The following UVSSA variants were observed in gnomAD, a reference collection of about 807,000 sequenced individuals.
The protein encoded by UVSSA is UV stimulated scaffold protein A, also known as UV-stimulated scaffold protein A.
In UVSSA, 72 loss-of-function variants were observed where a neutral mutation model predicts 73.9. The ratio of observed to expected loss-of-function variants is 0.97; its 90% CI spans 0.81 to 1.19. UVSSA has a LOEUF of 1.19. Ranked by LOEUF, UVSSA falls within the 50% of genes most tolerant of loss-of-function variation. The pLI is 0.00. For synonymous variants in UVSSA, 454 were observed against 391.3 expected (o/e 1.16, Z -1.89); for missense variants, 1,150 against 965.0 (o/e 1.19, Z -2.54).
chr4:1,353,440 G>A, intron 5 of UVSSA, 27 bp downstream of exon 5: 1 of 1,454,304 alleles, frequency 6.9e-7, no homozygotes, highest in Non-Finnish European at 9.1e-7. Context: ...GGTCTCTGTG[G>A]CGCCACCCTG....
At chr4:1,382,325 C>G (rs549918792) in intron 12 of UVSSA, among the ~76,000 whole-genome samples, 83 of 152,344 alleles carry the variant, frequency 5.4e-4, no homozygotes, top group African/African-American at 1.9e-3. Context: ...AGGCCGCGGG[C>G]TGCGGCCAGC....
At chr4:1,354,691 C>T (rs377390130) in intron 5 of UVSSA, 44 bp from the exon 6 acceptor site, 50 of 1,567,952 alleles carry the variant, frequency 3.2e-5, no homozygotes, top group Middle Eastern at 3.4e-4. Context: ...CTGTGGGAGA[C>T]GCCAGTCGGC....
intron 12 of UVSSA, among the ~76,000 whole-genome samples, 158 bp downstream of exon 12, chr4:1,381,146 G>T (rs528657544): frequency 6.6e-6 from 1 of 152,304 alleles, no homozygotes; most frequent in East Asian, 1.9e-4. Flanking sequence ...ATCAGGAGGG[G>T]ATGCTGCCCT....
chr4:1,354,344 G>A (rs1403864247), intron 5 of UVSSA, among the ~76,000 whole-genome samples: 2 of 152,078 alleles, frequency 1.3e-5, no homozygotes, highest in South Asian at 2.1e-4. Context: ...CCGGGGGGGT[G>A]GGGGCTGGTG....
chr4:1,372,506 C>T (rs940017927), intron 8 of UVSSA, among the ~76,000 whole-genome samples: 24 of 152,152 alleles, frequency 1.6e-4, no homozygotes, highest in African/African-American at 9.7e-5. Flanking sequence ...TGTACTATTT[C>T]CTGCATAAAA....
intron 12 of UVSSA, among the ~76,000 whole-genome samples, chr4:1,381,276 G>T (rs1719467078): frequency 6.6e-6 from 1 of 152,242 alleles, no homozygotes; most frequent in Non-Finnish European, 1.5e-5. Context: ...CATCTGTGTG[G>T]CTGGGTCCTG....
chr4:1,395,787 G>A, exon 14 of UVSSA: 15 of 1,614,202 alleles, frequency 9.3e-6, no homozygotes, highest in Non-Finnish European at 1.3e-5. Flanking sequence ...TACTCATGGT[G>A]GCTTTTTAAT....
intron 7 of UVSSA, among the ~76,000 whole-genome samples, chr4:1,364,996 C>T (rs1253846649): frequency 1.3e-5 from 2 of 152,186 alleles, no homozygotes; most frequent in African/African-American, 4.8e-5. Context: ...ACACCCTGTC[C>T]TGGGCCGTGG....
Position 1,355,114 on chromosome 4 carries a change from C to T in UVSSA, c.1048-3C>T, listed in dbSNP as rs201711142. 1.9e-6 allele frequency: 3 copies of T among 1,613,432 alleles called. No homozygotes were observed. The East Asian group carries it at 6.7e-5, about 36-fold the overall frequency. ...CTGAGCTGTTCGCACCCCCGTTTCG[C>T]AGCGCTTCACCCGCGTCGGGACCCA... On this transcript the variant is annotated splice_region_variant and splice_polypyrimidine_tract_variant and intron_variant, in intron 6 of 13. Coordinates refer to ENST00000389851, the MANE Select transcript of UVSSA (RefSeq NM_020894.4).
chr4:1,380,757 A>G (rs977752481), intron 11 of UVSSA, 123 bp from the exon 12 acceptor site: 16 of 1,569,198 alleles, frequency 1.0e-5, no homozygotes, highest in Non-Finnish European at 1.4e-5. Flanking sequence ...GGTTGTGTAC[A>G]CTTTGGCTCT....
At chr4:1,363,146 G>A (rs1475330376) in intron 7 of UVSSA, among the ~76,000 whole-genome samples, 2 of 152,098 alleles carry the variant, frequency 1.3e-5, no homozygotes, top group Non-Finnish European at 1.5e-5. Context: ...GCAAGCTGAA[G>A]TATGGAAACG....
intron 7 of UVSSA, chr4:1,357,973 C>CT (rs1560442718): frequency 6.6e-6 from 1 of 152,528 alleles, no homozygotes; most frequent in African/African-American, 2.4e-5. Flanking sequence ...CCCGGGGACC[C>CT]CGCCGACACT....
Position 1,353,059 on chromosome 4 carries a change from A to T in UVSSA, c.580A>T (p.Thr194Ser). The T allele has an allele frequency of 6.2e-7, 1 of 1,612,246 alleles. No homozygotes were observed. The highest frequency in any genetic ancestry group is 8.5e-7 in the Non-Finnish European group (1 of 1,179,614). Reference sequence around the variant, plus strand: ...GTCTGGAGAAATTGAATCCTGCTTGACGGAGGTAGAGAGCTGCTTTAGGCT... The same window carrying T: ...GTCTGGAGAAATTGAATCCTGCTTGTCGGAGGTAGAGAGCTGCTTTAGGCT... ...EMSGEIESCL[T>S]EVESCFRLLV... The change falls in exon 5 of 14, where the codon ACG becomes TCG. Residue 194 changes from threonine (T) to serine (S), a missense_variant. Transcript: ENST00000389851.
At chr4:1,372,315 A>G (rs575006859) in intron 8 of UVSSA, among the ~76,000 whole-genome samples, 3 of 152,174 alleles carry the variant, frequency 2.0e-5, no homozygotes, top group African/African-American at 7.2e-5. Flanking sequence ...CAAAAGACAC[A>G]TCTGGCGGCC....
chr4:1,381,748 C>T (rs372383150), intron 12 of UVSSA, among the ~76,000 whole-genome samples: 2 of 146,320 alleles, frequency 1.4e-5, no homozygotes, highest in African/African-American at 5.2e-5. Context: ...AGTGCAGTGG[C>T]GCAGTCATGG....
intron 10 of UVSSA, among the ~76,000 whole-genome samples, chr4:1,376,458 C>T (rs1050214698): frequency 6.6e-6 from 1 of 152,198 alleles, no homozygotes; most frequent in East Asian, 1.9e-4. Context: ...GAAACCACTC[C>T]CCTAAAGGCG....
At chr4:1,344,678 T>C (rs77395201), upstream of UVSSA, among the ~76,000 whole-genome samples, 440 of 152,334 alleles carry the variant, frequency 2.9e-3, 13 homozygotes, top group East Asian at 0.063. Flanking sequence ...AAGATCCCTA[T>C]TTTCAGGGAC....
rs189875131 is a variant in UVSSA, at chr4:1,353,590, C to T, written c.934+177C>T. ...TGTGGCCTCTGCACTGGGCTCCCCC[C>T]ACCCATGCCAGGCCTCTGTGGCCAC... On this transcript the variant is annotated intron_variant, in intron 5 of 13. Coordinates refer to ENST00000389851, the MANE Select transcript of UVSSA (RefSeq NM_020894.4). Among the ~76,000 whole-genome samples, 19 of 152,306 alleles carry T rather than the reference C, an allele frequency of 1.2e-4. No homozygotes were observed. The East Asian group carries it at 1.7e-3, about 14-fold the overall frequency.
intron 7 of UVSSA, chr4:1,358,517 A>G (rs7664763): frequency 0.77 from 116,664 of 152,270 alleles, 45,771 homozygotes; most frequent in African/African-American, 0.94. Context: ...GCTGGAGTGC[A>G]AGGAGCTGCC....
Sources: gnomAD v4.1 joint callset for allele counts (sites outside exome capture counted in the v4.1 genomes callset) on GRCh38, gnomAD v4.1.1 for gene constraint, MANE v1.5 for transcripts, NCBI Gene and HGNC (gene_info 2026-07-23, HGNC 2026-07-21) for gene names.